The following SEC31A variants were observed in gnomAD, a reference collection of about 807,000 sequenced individuals.
SEC31A encodes the protein protein transport protein Sec31A.
SEC31A carries 70 observed loss-of-function variants against 151.0 expected under a neutral mutation model. That is an observed-to-expected ratio of 0.46 (90% confidence interval 0.38 to 0.57). The LOEUF (loss-of-function observed/expected upper bound fraction) is 0.57, where lower values mean the gene tolerates loss of function less well. SEC31A is among the 20% of genes least tolerant of loss of function. The pLI is 0.00. For missense variants in SEC31A, 1,330 were observed against 1,471.2 expected (o/e 0.90, Z 1.57); for synonymous variants, 475 against 505.9 (o/e 0.94, Z 0.82).
rs532483204 is a variant in SEC31A, at chr4:82,897,113, C to A, written c.-2+2600G>T. Among the ~76,000 whole-genome samples the A allele has an allele frequency of 5.9e-5, 9 of 152,282 alleles. No individual in the cohort carries two copies. The East Asian group carries it at 1.5e-3, about 26-fold the overall frequency. On this transcript the variant is annotated intron_variant, in intron 3 of 28. Transcript: ENST00000355196. ...AAAAGTTCTATTAGAAGAAAAAACA[C>A]TCCCCCTTTTCCTTTAAGTCCTAGC... is the stretch of plus-strand genomic sequence containing the variant.
intron 21 of SEC31A, 117 bp downstream of exon 21, chr4:82,844,269 C>T (rs893678692): frequency 1.3e-5 from 15 of 1,113,398 alleles, no homozygotes; most frequent in Non-Finnish European, 1.8e-5. Context: ...ACTCAGGAAT[C>T]CTATGCACAA....
chr4:82,877,971 T>C (rs2868711), intron 4 of SEC31A: 31,909 of 152,018 alleles, frequency 0.21, 3,434 homozygotes, highest in South Asian at 0.34. Context: ...ATTACACAGG[T>C]GTGAGCCACA....
At chr4:82,841,168 A>C (rs1728635839) in intron 22 of SEC31A, among the ~76,000 whole-genome samples, 1 of 151,962 alleles carries the variant, frequency 6.6e-6, no homozygotes, top group African/African-American at 2.4e-5. Context: ...TCACGCCTGT[A>C]ATCCCAGCAC....
intron 22 of SEC31A, 176 bp from the exon 23 acceptor site, chr4:82,829,234 T>G (rs1484825797): frequency 1.8e-6 from 1 of 559,542 alleles, no homozygotes; most frequent in Non-Finnish European, 3.2e-6. Context: ...CACTCACATC[T>G]CTTAATAGGA....
chr4:82,872,818 G>A (rs567705632), intron 6 of SEC31A, among the ~76,000 whole-genome samples: 1 of 151,996 alleles, frequency 6.6e-6, no homozygotes, highest in Non-Finnish European at 1.5e-5. Context: ...CGATTCTCCC[G>A]CTTCAGCTTC....
At chr4:82,835,166 A>G (rs908616089) in intron 22 of SEC31A, among the ~76,000 whole-genome samples, 1 of 152,118 alleles carries the variant, frequency 6.6e-6, no homozygotes, top group African/African-American at 2.4e-5. Flanking sequence ...CTTTTTACAA[A>G]CAGTTCAACT....
At chr4:82,846,709 A>G (rs1730301125) in intron 20 of SEC31A, among the ~76,000 whole-genome samples, 1 of 151,190 alleles carries the variant, frequency 6.6e-6, no homozygotes, top group Admixed American at 6.6e-5. Context: ...TTACTTCATT[A>G]TTTTTTTGTT....
intron 14 of SEC31A, among the ~76,000 whole-genome samples, chr4:82,858,637 T>A (rs992272551): frequency 7.4e-5 from 11 of 149,384 alleles, no homozygotes; most frequent in Admixed American, 2.0e-4. Context: ...GGCTGAAGAA[T>A]CTTTGTTTTC....
At chr4:82,850,161 T>C (rs1731187228) in intron 19 of SEC31A, among the ~76,000 whole-genome samples, 1 of 152,148 alleles carries the variant, frequency 6.6e-6, no homozygotes, top group Non-Finnish European at 1.5e-5. Context: ...TGGATGTGCT[T>C]ATAAATGGTA....
chr4:82,881,242 G>A (rs1739229727), intron 2 of SEC31A, among the ~76,000 whole-genome samples: 1 of 152,126 alleles, frequency 6.6e-6, no homozygotes, highest in African/African-American at 2.4e-5. Context: ...GAGATGGGTG[G>A]ATCATGAGGT....
rs202005733 is a variant in SEC31A at position 82,821,660 on chromosome 4, C to T, written c.3412-552G>A. Among the ~76,000 whole-genome samples, 36 of 150,350 alleles carry T rather than the reference C, an allele frequency of 2.4e-4. No homozygotes were observed. The East Asian group carries it at 3.0e-3, about 13-fold the overall frequency. Reference sequence around the variant, plus strand: ...TGGGATGAGGAGAGGATGAGACTTACTTCCAGTGCATGAAAGAGTACTGAT... The same window carrying T: ...TGGGATGAGGAGAGGATGAGACTTATTTCCAGTGCATGAAAGAGTACTGAT... On this transcript the variant is annotated intron_variant, in intron 25 of 26. Transcript: ENST00000395310.
rs763835547 is a variant in SEC31A at position 82,872,015 on chromosome 4, C to G, written c.711G>C (p.Arg237=). 1.2e-6 allele frequency: 2 copies of G among 1,614,082 alleles called. No individual in the cohort carries two copies. The highest frequency in any genetic ancestry group is 1.7e-6 in the Non-Finnish European group (2 of 1,179,976). Residue 237 remains arginine, a synonymous_variant, in exon 7 of 27, where the codon CGG becomes CGC. Transcript: ENST00000395310. ...GATCCCACATCTGGATCACTGGTAACCGGTCATCCTCGGAGGCAAGGACCA... is the reference window on the plus strand; with the variant it reads ...GATCCCACATCTGGATCACTGGTAAGCGGTCATCCTCGGAGGCAAGGACCA... ...TQMVLASEDD[R]LPVIQMWDLR... is the part of the protein sequence containing the mutation.
intron 1 of SEC31A, among the ~76,000 whole-genome samples, chr4:82,883,988 C>T (rs1326814665): frequency 6.4e-5 from 8 of 125,924 alleles, no homozygotes; most frequent in Admixed American, 1.8e-4. Context: ...CTTTTCTATT[C>T]TTTTTTTTTT....
intron 1 of SEC31A, among the ~76,000 whole-genome samples, chr4:82,886,753 CTA>C (rs1191369182): frequency 6.6e-6 from 1 of 152,128 alleles, no homozygotes; most frequent in Non-Finnish European, 1.5e-5. Flanking sequence ...CTTGTCAATA[CTA>C]TGATTTAAGC....
In SEC31A at chr4:82,857,763, T is replaced by A; in HGVS notation, c.1628A>T (p.His543Leu). ...PAAEEQLLGE[H>L]IKEEKEESEF... ...AGATTCTTCTTTTTCCTCTTTAATG[T>A]GCTAAAGAGATGAAAAAAGCAACAA... The change falls in exon 15 of 27, where the codon CAC becomes CTC. Residue 543 changes from histidine to leucine, a missense_variant and splice_region_variant. Physicochemically the swap from His to Leu is moderately conservative, Grantham distance 99. Transcript: ENST00000395310. 1 of 1,581,188 alleles carries A rather than the reference T, an allele frequency of 6.3e-7. No homozygotes were observed. The highest frequency in any genetic ancestry group is 8.7e-7 in the Non-Finnish European group (1 of 1,153,960).
At position 82,859,949 on chromosome 4, in the gene SEC31A, C is replaced by T. The variant is rs567133540; in HGVS notation, c.1626+1682G>A. Among the ~76,000 whole-genome samples, 9 of 152,162 alleles carry T rather than the reference C, an allele frequency of 5.9e-5. No homozygotes were observed. In the South Asian group the frequency reaches 6.2e-4, roughly 11 times the overall value. On this transcript the variant is annotated intron_variant, in intron 14 of 26. Coordinates refer to ENST00000395310, the MANE Select transcript of SEC31A (RefSeq NM_001077207.4). ...TGGGACTACAGGCGCCCCACCACAA[C>T]GCCTGGCTAAATTTTTGTATTTTCA...
At chr4:82,893,437 T>C (rs1487171813), upstream of SEC31A, 2 of 152,226 alleles carry the variant, frequency 1.3e-5, no homozygotes, top group Non-Finnish European at 2.9e-5. Flanking sequence ...AAGAGTGAAG[T>C]TGTAGACAAA....
rs989447808 is a variant in SEC31A, at chr4:82,886,709, C to T, written c.-5+4379G>A. Among the ~76,000 whole-genome samples the T allele has an allele frequency of 2.0e-5, 3 of 152,230 alleles. No homozygotes were observed. In the East Asian group the frequency reaches 5.8e-4, roughly 29 times the overall value. On this transcript the variant is annotated intron_variant, in intron 1 of 26. Coordinates refer to ENST00000395310, the MANE Select transcript of SEC31A (RefSeq NM_001077207.4). Reference sequence around the variant, plus strand: ...TGAAAACTGCCCTGATGATTCAATCCACATTGATCTAAATACTCCCCGACA... The same window carrying T: ...TGAAAACTGCCCTGATGATTCAATCTACATTGATCTAAATACTCCCCGACA...
chr4:82,878,626 A>G, intron 4 of SEC31A, 104 bp downstream of exon 4: 1 of 911,832 alleles, frequency 1.1e-6, no homozygotes, highest in Non-Finnish European at 1.7e-6. Context: ...GTATAGCCAC[A>G]GTTTTTTAAC....
Sources: allele counts gnomAD v4.1 joint callset (sites outside exome capture counted in the v4.1 genomes callset), GRCh38; gene constraint gnomAD v4.1.1; transcripts MANE v1.5; gene names NCBI Gene and HGNC (gene_info 2026-07-23, HGNC 2026-07-21).